Variants in NCOR1 observed in about 807,000 individuals in gnomAD.
NCOR1 encodes the protein protein phosphatase 1, regulatory subunit 109.
NCOR1 carries 63 observed loss-of-function variants against 288.1 expected under a neutral mutation model. The observed-to-expected ratio is 0.22, with a 90% CI of 0.18 to 0.27. The LOEUF (loss-of-function observed/expected upper bound fraction) is 0.27, where lower values mean the gene tolerates loss of function less well. NCOR1 is among the 10% of genes least tolerant of loss of function. The probability of loss-of-function intolerance (pLI) is 1.00; values close to 1 mark genes in which losing one functional copy is unlikely to be tolerated. For missense variants in NCOR1, 2,397 were observed against 3,019.2 expected, an observed-to-expected ratio of 0.79 and a Z score of 4.83; for synonymous variants, 1,007 against 1,065.9, an observed-to-expected ratio of 0.94 and a Z score of 1.08.
At chr17:16,157,371 TA>T (rs1367697151) in intron 6 of NCOR1, among the ~76,000 whole-genome samples, 1 of 152,178 alleles carries the variant, frequency 6.6e-6, no homozygotes, top group Non-Finnish European at 1.5e-5. Flanking sequence ...CCATAACACT[TA>T]CCATTACCGT....
In NCOR1 at chr17:16,127,455, A is replaced by G. The variant is rs138238583; in HGVS notation, c.1510-1249T>C. Reference sequence around the variant, plus strand: ...TGTGTATGTATATATGTGTATATGTATATATACGTGTATGTGTATATATAC... The same window carrying G: ...TGTGTATGTATATATGTGTATATGTGTATATACGTGTATGTGTATATATAC... On this transcript the variant is annotated intron_variant, in intron 14 of 45. Transcript: ENST00000268712. Among the ~76,000 whole-genome samples, 27 of 146,834 alleles carry G rather than the reference A, an allele frequency of 1.8e-4. 3 individuals are homozygous for G. Among genetic ancestry groups the G allele is most frequent in the African/African-American group, 1.2e-4 (5 of 40,298 alleles).
At chr17:16,127,066 T>C (rs1018395995) in intron 14 of NCOR1, among the ~76,000 whole-genome samples, 1 of 151,898 alleles carries the variant, frequency 6.6e-6, no homozygotes, top group Non-Finnish European at 1.5e-5. Flanking sequence ...AATTCCTTAC[T>C]GTGCCTAATA....
Position 16,086,329 on chromosome 17 carries a change from C to T in NCOR1, c.3130G>A (p.Val1044Met). 1 of 1,614,142 alleles carries T rather than the reference C, an allele frequency of 6.2e-7. No individual in the cohort carries two copies. The highest frequency in any genetic ancestry group is 8.5e-7 in the Non-Finnish European group (1 of 1,180,008). ...PPLIPSSKTTVASEKPSFIMG... is the reference protein window; with the variant it reads ...PPLIPSSKTTMASEKPSFIMG... ...ATAAAAGATGGTTTTTCTGAAGCCACTGTGGTTTTGGATGACGGGATGAGA... is the reference window on the plus strand; with the variant it reads ...ATAAAAGATGGTTTTTCTGAAGCCATTGTGGTTTTGGATGACGGGATGAGA... Residue 1044 changes from valine (V) to methionine (M), a missense_variant, in exon 23 of 46, where the codon GTG becomes ATG. This residue lies in a region of NCOR1 where 1,872 missense variants were observed against 2,187.8 expected (regional missense o/e 0.86). Coordinates refer to ENST00000268712, the MANE Select transcript of NCOR1 (RefSeq NM_006311.4).
At chr17:16,190,344 CTTT>C (rs933278846) in intron 2 of NCOR1, among the ~76,000 whole-genome samples, 1 of 146,878 alleles carries the variant, frequency 6.8e-6, no homozygotes, top group Admixed American at 6.8e-5. Context: ...GAAAGAATTT[CTTT>C]TTTTTTTTGA....
rs2074437173 is a variant in NCOR1 at position 16,127,311 on chromosome 17, A to ATGTATATATGTATGTATATATACG, written c.1510-1106_1510-1105insCGTATATATACATACATATATACA. On this transcript the variant is annotated intron_variant, in intron 14 of 45. Coordinates refer to ENST00000268712, the MANE Select transcript of NCOR1 (RefSeq NM_006311.4). Reference sequence around the variant, plus strand: ...TATATATGTATGTATGTATATATACATGTATGTATATATGTATGTATATAT... The same window carrying ATGTATATATGTATGTATATATACG: ...TATATATGTATGTATGTATATATACATGTATATATGTATGTATATATACGTGTATGTATATATGTATGTATATAT... Among the ~76,000 whole-genome samples, 4 of 34,396 alleles carry ATGTATATATGTATGTATATATACG rather than the reference A, an allele frequency of 1.2e-4. 1 individual carries two copies. Among genetic ancestry groups the ATGTATATATGTATGTATATATACG allele is most frequent in the East Asian group, 6.7e-4 (2 of 3,000 alleles). The allele number at this position is 34,396 out of a possible 152,430, so 22.6% of individuals were successfully genotyped here.
rs757402865 is a variant in NCOR1, at chr17:16,057,748, G to C, written c.6169-11C>G. 6 of 1,610,396 alleles carry C rather than the reference G, an allele frequency of 3.7e-6. No individual in the cohort carries two copies. Among genetic ancestry groups the C allele is most frequent in the Non-Finnish European group, 5.1e-6 (6 of 1,177,614 alleles). ...TTGTGTGATAATTTGCTGTGAATGA[G>C]AAATGAAGGAAGTGGTAAAATTCAT... On this transcript the variant is annotated splice_polypyrimidine_tract_variant and intron_variant, in intron 39 of 45. Transcript: ENST00000268712.
chr17:16,101,772 G>T lies in NCOR1; in HGVS notation c.2183-15C>A. Reference sequence around the variant, plus strand: ...GACAGCTTCAACTGGTGAAGGAGAAGGAGCACTTTCTGTATCAGAACTATT... The same window carrying T: ...GACAGCTTCAACTGGTGAAGGAGAATGAGCACTTTCTGTATCAGAACTATT... On this transcript the variant is annotated splice_polypyrimidine_tract_variant and intron_variant, in intron 19 of 45. Coordinates refer to ENST00000268712, the MANE Select transcript of NCOR1 (RefSeq NM_006311.4). 1.2e-6 allele frequency: 2 copies of T among 1,613,956 alleles called. No homozygotes were observed. Among genetic ancestry groups the T allele is most frequent in the Non-Finnish European group, 1.7e-6 (2 of 1,179,912 alleles).
At chr17:16,198,457 G>A (rs1209630858) in intron 1 of NCOR1, 1 of 151,882 alleles carries the variant, frequency 6.6e-6, no homozygotes, top group African/African-American at 2.4e-5. Flanking sequence ...CGGGTGCGGT[G>A]GCTCACACCT....
chr17:16,151,200 ATT>A lies in NCOR1; in HGVS notation c.842+744_842+745del, dbSNP rs573897858. Among the ~76,000 whole-genome samples, 1,008 of 145,524 alleles carry A rather than the reference ATT, an allele frequency of 6.9e-3. 10 individuals carry two copies. The highest frequency in any genetic ancestry group is 0.018 in the Middle Eastern group (5 of 276). ...GCACCTAAAATTCTCTTAAAGTATA[ATT>A]TTTTTTTTAAAAAAAAGATATCTAT... On this transcript the variant is annotated intron_variant, in intron 8 of 45. Transcript: ENST00000268712.
At chr17:16,032,694 G>A (rs941778991) in intron 45 of NCOR1, among the ~76,000 whole-genome samples, 7 of 152,226 alleles carry the variant, frequency 4.6e-5, no homozygotes, top group African/African-American at 1.7e-4. Flanking sequence ...CAAAAAAGAA[G>A]AGTAACATGA....
intron 3 of NCOR1, among the ~76,000 whole-genome samples, chr17:16,175,301 G>T (rs187722095): frequency 6.6e-6 from 1 of 151,632 alleles, no homozygotes; most frequent in African/African-American, 2.4e-5. Context: ...CCAGGCAGAG[G>T]TTGCAGTGAG....
intron 42 of NCOR1, among the ~76,000 whole-genome samples, chr17:16,041,526 G>T (rs1295085785): frequency 6.8e-6 from 1 of 146,878 alleles, no homozygotes; most frequent in Non-Finnish European, 1.5e-5. Context: ...CAGTTCTCCT[G>T]CCTCAGCCTC....
chr17:16,186,503 T>A (rs748123445), intron 3 of NCOR1, 51 bp downstream of exon 3: 2 of 1,561,204 alleles, frequency 1.3e-6, no homozygotes, highest in Non-Finnish European at 1.7e-6. Context: ...GACAAACTTG[T>A]ATACTTCACA....
At chr17:16,191,209 G>A (rs1349375273) in intron 2 of NCOR1, among the ~76,000 whole-genome samples, 1 of 152,106 alleles carries the variant, frequency 6.6e-6, no homozygotes, top group Admixed American at 6.5e-5. Flanking sequence ...GCTCACTCAG[G>A]GCAAGAACTC....
intron 1 of NCOR1, among the ~76,000 whole-genome samples, chr17:16,213,134 T>C (rs1444176117): frequency 6.6e-6 from 1 of 152,032 alleles, no homozygotes; most frequent in Non-Finnish European, 1.5e-5. Context: ...CATCATTTCA[T>C]TCTTTTTTGA....
Position 16,070,365 on chromosome 17 carries a change from A to G in NCOR1, c.4313T>C (p.Val1438Ala), listed in dbSNP as rs114335412. The G allele has an allele frequency of 6.6e-5, 106 of 1,614,170 alleles. No homozygotes were observed. The African/African-American group carries it at 1.3e-3, about 20-fold the overall frequency. Residue 1438 changes from valine (V) to alanine (A), a missense_variant, in exon 31 of 46, where the codon GTG becomes GCG. By Grantham distance (64) the Val-to-Ala change is moderately conservative. Coordinates refer to ENST00000268712, the MANE Select transcript of NCOR1 (RefSeq NM_006311.4). ...GGAACGCACGGTCTCGCCTGCTTTC[A>G]CATCCTCATATTTTCCCCGTTCTAC... is the stretch of plus-strand genomic sequence containing the variant. ...KVVERGKYED[V>A]KAGETVRSRH...
chr17:16,101,547 A>G lies in NCOR1; in HGVS notation c.2393T>C (p.Val798Ala), dbSNP rs756498272. ...ISAETAEQMDVDQQEHSAEEG... is the reference protein window; with the variant it reads ...ISAETAEQMDADQQEHSAEEG... ...TTCAGCACTGTGCTCCTGCTGATCT[A>G]CATCCATCTGCTCTGCTGTCTCAGC... The change falls in exon 20 of 46, where the codon GTA becomes GCA. Residue 798 changes from valine to alanine, a missense_variant. This residue lies in a region of NCOR1 where 1,872 missense variants were observed against 2,187.8 expected (regional missense o/e 0.86). Transcript: ENST00000268712. The G allele has an allele frequency of 5.8e-5, 93 of 1,614,042 alleles. No homozygotes were observed. The highest frequency in any genetic ancestry group is 5.0e-5 in the Non-Finnish European group (59 of 1,179,996).
chr17:16,053,583 AG>A (rs1459841639), intron 40 of NCOR1, among the ~76,000 whole-genome samples: 3 of 152,246 alleles, frequency 2.0e-5, no homozygotes, highest in Non-Finnish European at 4.4e-5. Flanking sequence ...GCTCATGGAT[AG>A]GAAGAATCAA....
chr17:16,214,458 T>C (rs1276872762), intron 1 of NCOR1, among the ~76,000 whole-genome samples: 1 of 152,194 alleles, frequency 6.6e-6, no homozygotes, highest in Non-Finnish European at 1.5e-5. Context: ...TAAATTTCAA[T>C]ATAATTAGGA....
Sources: gnomAD v4.1 joint callset for allele counts (sites outside exome capture counted in the v4.1 genomes callset) on GRCh38, gnomAD v4.1.1 for gene constraint, gnomAD v4.1.1 regional missense constraint, MANE v1.5 for transcripts, NCBI Gene and HGNC (gene_info 2026-07-23, HGNC 2026-07-21) for gene names.